Variants in PPP6R2 observed in about 807,000 individuals in gnomAD.
PPP6R2 encodes the protein protein phosphatase 6 regulatory subunit 2, also known as serine/threonine-protein phosphatase 6 regulatory subunit 2.
A neutral mutation model predicts 100.2 loss-of-function variants in PPP6R2; 62 were observed. The ratio of observed to expected loss-of-function variants is 0.62; its 90% CI spans 0.50 to 0.76. The LOEUF is 0.76. PPP6R2 is among the 30% of genes least tolerant of loss of function. PPP6R2 has a pLI of 0.00. For missense variants in PPP6R2, 1,142 were observed against 1,276.3 expected (o/e 0.89, Z 1.60); for synonymous variants, 525 against 514.7 (o/e 1.02, Z -0.27).
At chr22:50,405,736 A>G (rs1323507018) in intron 3 of PPP6R2, among the ~76,000 whole-genome samples, 27 of 76,738 alleles carry the variant, frequency 3.5e-4, no homozygotes, top group Admixed American at 7.4e-4. Context: ...GGAGAGAGGT[A>G]AGAGGCCTGG....
chr22:50,365,445 G>A (rs574311570), intron 1 of PPP6R2, among the ~76,000 whole-genome samples: 119 of 152,040 alleles, frequency 7.8e-4, no homozygotes, highest in African/African-American at 2.8e-3. Flanking sequence ...TTCGGAGGCC[G>A]AGGTGGGTGG....
At position 50,414,331 on chromosome 22, in the gene PPP6R2, G is replaced by GCCCCCCCCCCCCCCCCCCCCCCCCCC. The variant is rs57634612; in HGVS notation, c.415-202_415-201insCCCCCCCCCCCCCCCCCCCCCCCCCC. Among the ~76,000 whole-genome samples, 4 of 26,774 alleles carry GCCCCCCCCCCCCCCCCCCCCCCCCCC rather than the reference G, an allele frequency of 1.5e-4. No individual in the cohort carries two copies. The Admixed American group carries it at 1.6e-3, about 11-fold the overall frequency. 17.6% of individuals were successfully genotyped at this position (26,774 alleles called of 152,430 possible). A position where few individuals can be genotyped will look rare whatever the true frequency, so the allele number is the denominator to read the frequency against. ...GAGCCACAGGGGTCCCTGTGCAGTG[G>GCCCCCCCCCCCCCCCCCCCCCCCCCC]CCCCCCCCCCCCCCCCCCCGCCCAG... On this transcript the variant is annotated intron_variant, in intron 4 of 23. Coordinates refer to ENST00000612753, the MANE Select transcript of PPP6R2 (RefSeq NM_001242898.2).
At chr22:50,350,616 C>G (rs2044849298) in intron 1 of PPP6R2, among the ~76,000 whole-genome samples, 1 of 151,726 alleles carries the variant, frequency 6.6e-6, no homozygotes, top group African/African-American at 2.4e-5. Flanking sequence ...GAGGCCGAGA[C>G]AGGCAGATCA....
chr22:50,400,963 C>T (rs926417452), intron 3 of PPP6R2, among the ~76,000 whole-genome samples: 2 of 152,116 alleles, frequency 1.3e-5, no homozygotes, highest in African/African-American at 2.4e-5. Context: ...CTTATTTTTG[C>T]TTTTAATGTT....
chr22:50,422,741 A>G (rs902539826), intron 9 of PPP6R2, among the ~76,000 whole-genome samples: 9 of 152,106 alleles, frequency 5.9e-5, no homozygotes, highest in Admixed American at 5.9e-4. Flanking sequence ...GAGGGGGGTG[A>G]GGCACACAAA....
chr22:50,439,224 C>T (rs1012909468), intron 19 of PPP6R2, among the ~76,000 whole-genome samples: 7 of 152,168 alleles, frequency 4.6e-5, no homozygotes, highest in Non-Finnish European at 1.0e-4. Context: ...ACTTTGGTGG[C>T]GGGGGCAGAG....
At chr22:50,404,469 C>T (rs2058528640) in intron 3 of PPP6R2, among the ~76,000 whole-genome samples, 2 of 152,052 alleles carry the variant, frequency 1.3e-5, no homozygotes, top group Admixed American at 1.3e-4. Context: ...TGGCTCACGG[C>T]AACCTCTGCC....
At chr22:50,351,287 G>T (rs1416405814) in intron 1 of PPP6R2, among the ~76,000 whole-genome samples, 1 of 145,570 alleles carries the variant, frequency 6.9e-6, no homozygotes, top group Non-Finnish European at 1.5e-5. Flanking sequence ...TGATCCGCCC[G>T]CCTTGGCCTC....
intron 3 of PPP6R2, among the ~76,000 whole-genome samples, chr22:50,395,268 G>T (rs963689345): frequency 1.3e-5 from 2 of 152,202 alleles, no homozygotes; most frequent in African/African-American, 2.4e-5. Context: ...GCCCTGGCCA[G>T]GATGCTAGGA....
At chr22:50,381,944 T>C (rs2053163403) in intron 2 of PPP6R2, among the ~76,000 whole-genome samples, 1 of 151,824 alleles carries the variant, frequency 6.6e-6, no homozygotes, top group Non-Finnish European at 1.5e-5. Flanking sequence ...ATAGAAACTG[T>C]ACAATTTCCA....
At chr22:50,363,109 G>A (rs1389199512) in intron 1 of PPP6R2, among the ~76,000 whole-genome samples, 1 of 152,166 alleles carries the variant, frequency 6.6e-6, no homozygotes, top group Non-Finnish European at 1.5e-5. Flanking sequence ...AAAAAAATGT[G>A]GATTTTTGTC....
chr22:50,358,363 T>C (rs1017274829), intron 1 of PPP6R2, among the ~76,000 whole-genome samples: 3 of 152,328 alleles, frequency 2.0e-5, no homozygotes, highest in African/African-American at 4.8e-5. Flanking sequence ...TTTTCTGTTA[T>C]GATTATTTTG....
chr22:50,396,474 G>A (rs370198713), intron 3 of PPP6R2, among the ~76,000 whole-genome samples: 42 of 143,032 alleles, frequency 2.9e-4, no homozygotes, highest in South Asian at 2.7e-3. Flanking sequence ...CAGCCTGGGC[G>A]ACAGAGTGAG....
intron 9 of PPP6R2, 70 bp downstream of exon 9, chr22:50,422,450 A>C: frequency 6.3e-7 from 1 of 1,579,246 alleles, no homozygotes; most frequent in Non-Finnish European, 8.6e-7. Context: ...CAGGGAGGAG[A>C]AGCCACAGCT....
chr22:50,414,502 A>G (rs1373071498), intron 4 of PPP6R2, 50 bp from the exon 5 acceptor site: 11 of 1,597,398 alleles, frequency 6.9e-6, no homozygotes, highest in Admixed American at 1.7e-5. Flanking sequence ...GAGGTGTCTC[A>G]GGGTTGTCAG....
rs532410577 is a variant in PPP6R2, at chr22:50,382,836, A to ATTT, written c.-17+10703_-17+10705dup. 6.7e-3 allele frequency among the ~76,000 whole-genome samples: 945 copies of ATTT among 141,276 alleles called. 11 individuals are homozygous for ATTT. Among genetic ancestry groups the ATTT allele is most frequent in the South Asian group, 0.031 (138 of 4,512 alleles). The allele number at this position is 141,276 out of a possible 152,430, so 92.7% of individuals were successfully genotyped here. A position where few individuals can be genotyped will look rare whatever the true frequency, so the allele number is the denominator to read the frequency against. On this transcript the variant is annotated intron_variant, in intron 2 of 23. Transcript: ENST00000612753. ...GGAAAAGGGTGAAATTTACAAGCAA[A>ATTT]TTTTTTTTTTTTTTTTTTTGAGATA...
At chr22:50,436,474 C>T (rs1347592741) in intron 14 of PPP6R2, 22 bp downstream of exon 14, 17 of 1,565,558 alleles carry the variant, frequency 1.1e-5, no homozygotes, top group Non-Finnish European at 1.4e-5. Flanking sequence ...CGGGGCTGCC[C>T]CCTCGGTGCA....
At chr22:50,398,767 G>A (rs1400453304) in intron 3 of PPP6R2, among the ~76,000 whole-genome samples, 5 of 151,700 alleles carry the variant, frequency 3.3e-5, no homozygotes, top group African/African-American at 7.3e-5. Context: ...TGCCTGCCTC[G>A]GCCTCCCAAA....
rs1473967946 is a variant in PPP6R2, at chr22:50,423,720, C to G, written c.1125+106C>G. On this transcript the variant is annotated intron_variant, in intron 10 of 23. Transcript: ENST00000612753. This position sits in a 1 kb window ranked among gnomAD's most constrained non-coding sequence, Gnocchi z 4.8. ...AGGGCCCCAGCATTTGGACAAAGCT[C>G]TGCCACGGGGAGGTTCCAGTCCCAA... 5.0e-6 allele frequency: 7 copies of G among 1,411,344 alleles called. No individual in the cohort carries two copies. Among genetic ancestry groups the G allele is most frequent in the Middle Eastern group, 1.8e-4 (1 of 5,462 alleles). The allele number at this position is 1,411,344 out of a possible 1,614,324, so 87.4% of individuals were successfully genotyped here.
Sources: allele counts gnomAD v4.1 joint callset (sites outside exome capture counted in the v4.1 genomes callset), GRCh38; gene constraint gnomAD v4.1.1; non-coding constraint Gnocchi (gnomAD v3.1); transcripts MANE v1.5; gene names NCBI Gene and HGNC (gene_info 2026-07-23, HGNC 2026-07-21).